RPS6KC1: variants seen among roughly 807,000 people sequenced by gnomAD.
RPS6KC1 encodes inactive ribosomal protein S6 kinase delta-1.
In RPS6KC1, 54 loss-of-function variants were observed where a neutral mutation model predicts 103.8. The observed-to-expected ratio is 0.52, with a 90% CI of 0.42 to 0.65. The LOEUF (loss-of-function observed/expected upper bound fraction) is 0.65. Ranked by LOEUF, RPS6KC1 falls within the 30% of genes least tolerant of loss-of-function variation. The pLI, the probability that RPS6KC1 is intolerant of heterozygous loss-of-function variation, is 0.00. For synonymous variants in RPS6KC1, 439 were observed against 438.7 expected (o/e 1.00, Z -0.01); for missense variants, 1,151 against 1,253.8 (o/e 0.92, Z 1.24).
chr1:213,607,837 T>G, the RPS6KC1 span, among the ~76,000 whole-genome samples: 1 of 152,190 alleles, frequency 6.6e-6, no homozygotes, highest in Non-Finnish European at 1.5e-5. Flanking sequence ...TTTGCAGATT[T>G]TATTTCTAGT....
chr1:213,805,231 A>G, the RPS6KC1 span, among the ~76,000 whole-genome samples: 1 of 152,236 alleles, frequency 6.6e-6, no homozygotes, highest in East Asian at 1.9e-4. Flanking sequence ...ATTTCTTAAA[A>G]TAAGACAACA....
the RPS6KC1 span, among the ~76,000 whole-genome samples, chr1:213,807,740 C>T: frequency 7.9e-5 from 12 of 152,034 alleles, no homozygotes; most frequent in South Asian, 4.2e-4. Flanking sequence ...TCCTGTAGCT[C>T]GTAGTTTGAT....
At chr1:213,626,713 A>G in the RPS6KC1 span, among the ~76,000 whole-genome samples, 10 of 152,084 alleles carry the variant, frequency 6.6e-5, no homozygotes, top group South Asian at 2.1e-4. Flanking sequence ...TTTTTGTCAG[A>G]TTTGTCAAAG....
the RPS6KC1 span, among the ~76,000 whole-genome samples, chr1:213,716,386 G>T: frequency 6.6e-6 from 1 of 152,138 alleles, no homozygotes; most frequent in Non-Finnish European, 1.5e-5. Context: ...AGAACATTCA[G>T]TCTCCTGGAA....
At chr1:213,162,707 A>AT (rs1159946076) in intron 6 of RPS6KC1, among the ~76,000 whole-genome samples, 5 of 152,242 alleles carry the variant, frequency 3.3e-5, no homozygotes, top group Admixed American at 6.5e-5. Flanking sequence ...CTCTGTAGGT[A>AT]TTTAACACTC....
intron 6 of RPS6KC1, among the ~76,000 whole-genome samples, chr1:213,165,121 G>T (rs1031433780): frequency 2.0e-5 from 3 of 151,852 alleles, no homozygotes; most frequent in Admixed American, 2.0e-4. Flanking sequence ...ACCTGAATAA[G>T]CATTCAGGAG....
the RPS6KC1 span, among the ~76,000 whole-genome samples, chr1:213,537,879 C>A: frequency 6.6e-6 from 1 of 152,234 alleles, no homozygotes; most frequent in African/African-American, 2.4e-5. Flanking sequence ...TATCTATTGG[C>A]TCTTATGAAC....
chr1:213,168,572 G>A (rs189855345), intron 7 of RPS6KC1, among the ~76,000 whole-genome samples: 2 of 152,056 alleles, frequency 1.3e-5, no homozygotes, highest in Non-Finnish European at 2.9e-5. Flanking sequence ...TATATCAAAT[G>A]CAATTTAAGA....
At chr1:213,654,060 A>G in the RPS6KC1 span, among the ~76,000 whole-genome samples, 1 of 152,278 alleles carries the variant, frequency 6.6e-6, no homozygotes, top group East Asian at 1.9e-4. Flanking sequence ...AAACTGTGCT[A>G]GAACCAACGC....
chr1:213,634,385 G>T, the RPS6KC1 span, among the ~76,000 whole-genome samples: 1 of 152,176 alleles, frequency 6.6e-6, no homozygotes, highest in Admixed American at 6.6e-5. Context: ...CTGTCTCTCA[G>T]ACCACAGTGC....
At chr1:213,287,248 G>A in the RPS6KC1 span, among the ~76,000 whole-genome samples, 1 of 150,236 alleles carries the variant, frequency 6.7e-6, no homozygotes, top group East Asian at 1.9e-4. Flanking sequence ...GTGTGTGTGT[G>A]TGTGTGTGTG....
At chr1:213,658,363 C>G in the RPS6KC1 span, among the ~76,000 whole-genome samples, 275 of 152,300 alleles carry the variant, frequency 1.8e-3, 2 homozygotes, top group Non-Finnish European at 3.1e-3. Flanking sequence ...AAGTCAAGCA[C>G]TTTTGCCCTC....
the RPS6KC1 span, among the ~76,000 whole-genome samples, chr1:213,663,017 A>G: frequency 1.3e-5 from 2 of 151,880 alleles, no homozygotes; most frequent in African/African-American, 2.4e-5. Flanking sequence ...GTTTTATACC[A>G]CTCTGAGATT....
intron 3 of RPS6KC1, among the ~76,000 whole-genome samples, chr1:213,103,354 C>A (rs1200829287): frequency 1.3e-5 from 2 of 152,084 alleles, no homozygotes; most frequent in African/African-American, 4.8e-5. Flanking sequence ...ATTCAAAGAA[C>A]CATGATATTC....
chr1:213,747,277 G>C, the RPS6KC1 span, among the ~76,000 whole-genome samples: 1 of 152,128 alleles, frequency 6.6e-6, no homozygotes, highest in Non-Finnish European at 1.5e-5. Context: ...AGAGGTCAAG[G>C]AAGATGAGGA....
intron 6 of RPS6KC1, among the ~76,000 whole-genome samples, chr1:213,159,080 G>A (rs1261585474): frequency 6.6e-6 from 1 of 151,922 alleles, no homozygotes. Flanking sequence ...CAAGATATAT[G>A]TTTGGTGGAT....
chr1:213,521,905 A>G, the RPS6KC1 span, among the ~76,000 whole-genome samples: 2 of 152,178 alleles, frequency 1.3e-5, no homozygotes, highest in Non-Finnish European at 2.9e-5. Flanking sequence ...AAAGTTATCC[A>G]TGAATGTTGG....
At chr1:213,162,169 C>T (rs2090535181) in intron 6 of RPS6KC1, among the ~76,000 whole-genome samples, 2 of 152,126 alleles carry the variant, frequency 1.3e-5, no homozygotes, top group African/African-American at 4.8e-5. Context: ...TTTTTATAAG[C>T]CATTTGACTT....
chr1:213,709,471 T>A, the RPS6KC1 span, among the ~76,000 whole-genome samples: 5 of 152,144 alleles, frequency 3.3e-5, no homozygotes, highest in African/African-American at 1.2e-4. Flanking sequence ...TAGTGTTCTA[T>A]CTATTTTCTT....
Sources: gnomAD v4.1 joint callset for allele counts (sites outside exome capture counted in the v4.1 genomes callset) on GRCh38, gnomAD v4.1.1 for gene constraint, MANE v1.5 for transcripts, NCBI Gene and HGNC (gene_info 2026-07-23, HGNC 2026-07-21) for gene names.